Variants in DCAF15 observed in about 807,000 individuals in gnomAD.
DCAF15 encodes the protein DDB1- and CUL4-associated factor 15.
Under a neutral mutation model 68.0 loss-of-function variants are expected in DCAF15, and 24 were observed. The ratio of observed to expected loss-of-function variants is 0.35; its 90% CI spans 0.26 to 0.50. The LOEUF is 0.50. Ranked by LOEUF, DCAF15 falls within the 20% of genes least tolerant of loss-of-function variation. The pLI is 0.98. For synonymous variants in DCAF15, 376 were observed against 341.6 expected, an observed-to-expected ratio of 1.10 and a Z score of -1.11; for missense variants, 627 against 830.6, an observed-to-expected ratio of 0.75 and a Z score of 3.01.
At position 13,961,259 on chromosome 19, in the gene DCAF15, T is replaced by G; in HGVS notation, c.*264T>G. The G allele has an allele frequency of 1.8e-6, 1 of 558,228 alleles. No individual in the cohort carries two copies. The highest frequency in any genetic ancestry group is 3.2e-6 in the Non-Finnish European group (1 of 310,078). The allele number at this position is 558,228 out of a possible 1,614,324, so 34.6% of individuals were successfully genotyped here. On this transcript the variant is annotated 3_prime_UTR_variant, in exon 13 of 13. Coordinates refer to ENST00000254337, the MANE Select transcript of DCAF15 (RefSeq NM_138353.4). Reference sequence around the variant, plus strand: ...TGAGTGCCCCGCCTTCACCCCGAGCTGGGCATGGGCCTGGCCCCTCGTGCA... The same window carrying G: ...TGAGTGCCCCGCCTTCACCCCGAGCGGGGCATGGGCCTGGCCCCTCGTGCA...
Position 13,961,253 on chromosome 19 carries a change from C to A in DCAF15, c.*258C>A. On this transcript the variant is annotated 3_prime_UTR_variant, in exon 13 of 13. Coordinates refer to ENST00000254337, the MANE Select transcript of DCAF15 (RefSeq NM_138353.4). The stretch of plus-strand genomic sequence containing the variant: ...CCAGCCTGAGTGCCCCGCCTTCACC[C>A]CGAGCTGGGCATGGGCCTGGCCCCT... 1 of 564,838 alleles carries A rather than the reference C, an allele frequency of 1.8e-6. No homozygotes were observed. 35.0% of individuals were successfully genotyped at this position (564,838 alleles called of 1,614,324 possible). A position where few individuals can be genotyped will look rare whatever the true frequency, so the allele number is the denominator to read the frequency against.
Position 13,956,386 on chromosome 19 carries a change from C to G in DCAF15, c.648C>G (p.Phe216Leu). The G allele has an allele frequency of 1.9e-6, 3 of 1,613,884 alleles. No homozygotes were observed. The highest frequency in any genetic ancestry group is 2.5e-6 in the Non-Finnish European group (3 of 1,180,030). ...ATGCACAGTGCCTACGGCATGGCTTCATGCTGCACACCAAGTACCAGGTGG... is the reference window on the plus strand; with the variant it reads ...ATGCACAGTGCCTACGGCATGGCTTGATGCTGCACACCAAGTACCAGGTGG... ...DPNAQCLRHGFMLHTKYQVVY... is the reference protein window; with the variant it reads ...DPNAQCLRHGLMLHTKYQVVY... Residue 216 changes from phenylalanine (F) to leucine (L), a missense_variant, in exon 6 of 13, where the codon TTC (phenylalanine) becomes TTG (leucine). Coordinates refer to ENST00000254337, the MANE Select transcript of DCAF15 (RefSeq NM_138353.4).
At chr19:13,953,089 C>G (rs932227783) in intron 1 of DCAF15, 23 of 1,550,560 alleles carry the variant, frequency 1.5e-5, no homozygotes, top group Admixed American at 1.4e-4. Context: ...GCCCAAGCCC[C>G]GACCACACAT....
In DCAF15 at chr19:13,956,182, G is replaced by A; in HGVS notation, c.533G>A (p.Arg178His). ...ATGATGATGAGTGACGAGAACCACC[G>A]TGACATCTACGTCAGCACCGTGGCC... ...NMMMMSDENH[R>H]DIYVSTVAVP... Residue 178 changes from arginine to histidine, a missense_variant, in exon 5 of 13, where the codon CGT becomes CAT. This residue lies in a region of DCAF15 where 273 missense variants were observed against 393.7 expected (regional missense o/e 0.69). Coordinates refer to ENST00000254337, the MANE Select transcript of DCAF15 (RefSeq NM_138353.4). 1 of 1,611,108 alleles carries A rather than the reference G, an allele frequency of 6.2e-7. No individual in the cohort carries two copies.
At position 13,959,631 on chromosome 19, in the gene DCAF15, T is replaced by C. The variant is rs1383563509; in HGVS notation, c.1269T>C (p.Arg423=). The C allele has an allele frequency of 2.5e-6, 4 of 1,613,308 alleles. No homozygotes were observed. In the Admixed American group the frequency reaches 6.7e-5, roughly 27 times the overall value. ...TGCCCTTCGTGGTGACTGATCTTCGTGGCCGCAACCTGCGGCCCATGCGGG... is the reference window on the plus strand; with the variant it reads ...TGCCCTTCGTGGTGACTGATCTTCGCGGCCGCAACCTGCGGCCCATGCGGG... ...ISLPFVVTDL[R]GRNLRPMRER... The change falls in exon 8 of 13, where the codon CGT becomes CGC. Residue 423 remains arginine (R), a synonymous_variant. Coordinates refer to ENST00000254337, the MANE Select transcript of DCAF15 (RefSeq NM_138353.4).
At chr19:13,953,238 G>C in intron 1 of DCAF15, 1 of 1,156,222 alleles carries the variant, frequency 8.6e-7, no homozygotes, top group South Asian at 1.6e-5. Flanking sequence ...AACTCCCAGA[G>C]CTGGGGGATG....
At chr19:13,960,641 G>A (rs568284815) in intron 12 of DCAF15, 61 bp downstream of exon 12, 1 of 1,449,408 alleles carries the variant, frequency 6.9e-7, no homozygotes, top group Admixed American at 2.0e-5. Flanking sequence ...TCACCCAGGA[G>A]CTGATTCCTG....
At position 13,960,654 on chromosome 19, in the gene DCAF15, C is replaced by T. The variant is rs535666667; in HGVS notation, c.1747+74C>T. The T allele has an allele frequency of 1.9e-5, 27 of 1,385,534 alleles. 1 individual carries two copies. The highest frequency in any genetic ancestry group is 1.3e-4 in the East Asian group (5 of 39,984). The allele number at this position is 1,385,534 out of a possible 1,614,324, so 85.8% of individuals were successfully genotyped here. A position where few individuals can be genotyped will look rare whatever the true frequency, so the allele number is the denominator to read the frequency against. ...CCTCACCCAGGAGCTGATTCCTGAG[C>T]GCTGATGAAATGGGTGGGAAGGCTG... On this transcript the variant is annotated intron_variant, in intron 12 of 12. Transcript: ENST00000254337.
chr19:13,959,386 G>A lies in DCAF15; in HGVS notation c.1126G>A (p.Ala376Thr). The change falls in exon 7 of 13, where the codon GCC becomes ACC. Residue 376 changes from alanine to threonine, a missense_variant. Physicochemically the swap from Ala to Thr is moderately conservative, Grantham distance 58. This residue lies in a region of DCAF15 where 236 missense variants were observed against 225.1 expected (regional missense o/e 1.05). Transcript: ENST00000254337. Reference protein sequence around the residue: ...GETAPRDSPPASEAPASEPGY... With the variant: ...GETAPRDSPPTSEAPASEPGY... Reference sequence around the variant, plus strand: ...GACGGCACCCCGGGACAGCCCCCCTGCCTCGGAGGCACCTGCCTCCGAGCC... The same window carrying A: ...GACGGCACCCCGGGACAGCCCCCCTACCTCGGAGGCACCTGCCTCCGAGCC... The A allele has an allele frequency of 6.2e-7, 1 of 1,605,830 alleles. No homozygotes were observed. Among genetic ancestry groups the A allele is most frequent in the Non-Finnish European group, 8.5e-7 (1 of 1,179,594 alleles).
At chr19:13,960,234 G>C (rs1973559908) in intron 10 of DCAF15, 53 bp from the exon 11 acceptor site, 23 of 1,591,920 alleles carry the variant, frequency 1.4e-5, no homozygotes, top group Non-Finnish European at 1.9e-5. Flanking sequence ...CCTGGGGCCT[G>C]GTTCAGGAGC....
chr19:13,961,052 CCTTCCTGGGGTGGCCT>C lies in DCAF15; in HGVS notation c.*66_*81del. On this transcript the variant is annotated 3_prime_UTR_variant, in exon 13 of 13. Coordinates refer to ENST00000254337, the MANE Select transcript of DCAF15 (RefSeq NM_138353.4). ...TACCTCCGTGGCCTGGGACCGGCCC[CCTTCCTGGGGTGGCCT>C]CTTCCTGGCCGGCTGGCCCACCGAC... 1.9e-6 allele frequency: 3 copies of C among 1,607,270 alleles called. No homozygotes were observed. The highest frequency in any genetic ancestry group is 2.5e-6 in the Non-Finnish European group (3 of 1,177,500).
chr19:13,960,280 A>G lies in DCAF15; in HGVS notation c.1527-7A>G. 6.2e-7 allele frequency: 1 copy of G among 1,613,062 alleles called. No individual in the cohort carries two copies. On this transcript the variant is annotated splice_region_variant and splice_polypyrimidine_tract_variant and intron_variant, in intron 10 of 12. Transcript: ENST00000254337. ...CAGCGTTTGTCCTATGTCCCTCTCCACTGTAGACCAAAGACCTATCACACC... is the reference window on the plus strand; with the variant it reads ...CAGCGTTTGTCCTATGTCCCTCTCCGCTGTAGACCAAAGACCTATCACACC...
chr19:13,961,164 G>C lies in DCAF15; in HGVS notation c.*169G>C. On this transcript the variant is annotated 3_prime_UTR_variant, in exon 13 of 13. Coordinates refer to ENST00000254337, the MANE Select transcript of DCAF15 (RefSeq NM_138353.4). ...GCAGCCTCTGTTGGCCTGAGGGTCT[G>C]GACGCTTTTTATTTATGCCTATTTA... The C allele has an allele frequency of 1.3e-6, 1 of 762,438 alleles. No homozygotes were observed. Among genetic ancestry groups the C allele is most frequent in the Non-Finnish European group, 2.1e-6 (1 of 471,662 alleles). 47.2% of individuals were successfully genotyped at this position (762,438 alleles called of 1,614,324 possible).
intron 6 of DCAF15, among the ~76,000 whole-genome samples, chr19:13,958,206 G>A (rs759887383): frequency 1.3e-5 from 2 of 152,304 alleles, no homozygotes; most frequent in African/African-American, 2.4e-5. Context: ...TGTTAGGAAC[G>A]ACCACAGCGG....
At chr19:13,960,781 G>A (rs1319031919) in intron 12 of DCAF15, among the ~76,000 whole-genome samples, 159 bp from the exon 13 acceptor site, 1 of 152,230 alleles carries the variant, frequency 6.6e-6, no homozygotes, top group African/African-American at 2.4e-5. Context: ...ACTCATTCAC[G>A]CTACATTTAT....
chr19:13,954,387 G>C lies in DCAF15; in HGVS notation c.180G>C (p.Arg60=). ...SPRLFRKLPP[R]VCVSLKNIVD... ...GCCTCTTCCGGAAGCTGCCTCCCCG[G>C]GTGTGCGTGTCCCTCAAGAACATTG... Residue 60 remains arginine, a synonymous_variant, in exon 2 of 13, where the codon CGG becomes CGC. Transcript: ENST00000254337. 1 of 1,613,904 alleles carries C rather than the reference G, an allele frequency of 6.2e-7. No homozygotes were observed. The highest frequency in any genetic ancestry group is 8.5e-7 in the Non-Finnish European group (1 of 1,179,990).
rs751206064 is a variant in DCAF15, at chr19:13,956,518, G to A, written c.780G>A (p.Ser260=). ...TGGCCTGCGCCGTCTCCGTCCACTCGGCAGGTAGGCCCTGCGGTCTCGTGG... is the reference window on the plus strand; with the variant it reads ...TGGCCTGCGCCGTCTCCGTCCACTCAGCAGGTAGGCCCTGCGGTCTCGTGG... ...SLVACAVSVH[S]AGDRSFCQIL... The change falls in exon 6 of 13, where the codon TCG becomes TCA. Residue 260 remains serine (S), a synonymous_variant. Transcript: ENST00000254337. The A allele has an allele frequency of 2.2e-5, 36 of 1,612,852 alleles. No individual in the cohort carries two copies. Among genetic ancestry groups the A allele is most frequent in the East Asian group, 4.5e-5 (2 of 44,892 alleles).
intron 10 of DCAF15, 97 bp downstream of exon 10, chr19:13,960,166 C>T (rs1973554926): frequency 8.9e-6 from 14 of 1,572,212 alleles, no homozygotes; most frequent in Non-Finnish European, 1.0e-5. Context: ...TCTCCCTGTG[C>T]CACAACCTGG....
chr19:13,958,838 G>A (rs530059966), intron 6 of DCAF15, among the ~76,000 whole-genome samples: 15 of 152,234 alleles, frequency 9.9e-5, no homozygotes, highest in African/African-American at 3.4e-4. Flanking sequence ...GCTTAAGAAA[G>A]GGGTTTGAAT....
Sources: gnomAD v4.1 joint callset for allele counts (sites outside exome capture counted in the v4.1 genomes callset) on GRCh38, gnomAD v4.1.1 for gene constraint, gnomAD v4.1.1 regional missense constraint, MANE v1.5 for transcripts, NCBI Gene and HGNC (gene_info 2026-07-23, HGNC 2026-07-21) for gene names.